CHLSN: variants seen among roughly 807,000 people sequenced by gnomAD.
The protein encoded by CHLSN is cholesin, also known as protein cholesin.
the CHLSN span, chr7:1,093,763 T>A: frequency 1.8e-5 from 8 of 445,204 alleles, no homozygotes; most frequent in South Asian, 8.2e-5. Context: ...GAAAAGCTGA[T>A]GAGGCTGGTG....
chr7:1,116,237 G>T, the CHLSN span, among the ~76,000 whole-genome samples: 1 of 141,090 alleles, frequency 7.1e-6, no homozygotes, highest in Admixed American at 7.1e-5. Flanking sequence ...GCCCACGCAG[G>T]ATGACTTCAC....
chr7:985,646 C>T, the CHLSN span, among the ~76,000 whole-genome samples: 12 of 152,304 alleles, frequency 7.9e-5, no homozygotes, highest in African/African-American at 2.6e-4. Flanking sequence ...TGTCTGCCCC[C>T]CAAGCCCTGA....
chr7:1,029,379 C>T, the CHLSN span, among the ~76,000 whole-genome samples: 1 of 152,190 alleles, frequency 6.6e-6, no homozygotes, highest in Admixed American at 6.5e-5. Flanking sequence ...CTTCCTGCCT[C>T]GGCCTCCCAA....
the CHLSN span, among the ~76,000 whole-genome samples, chr7:1,133,489 G>A: frequency 2.0e-5 from 3 of 151,096 alleles, no homozygotes; most frequent in Admixed American, 6.6e-5. Flanking sequence ...GGTGGCTCAC[G>A]CCTGTAATCC....
chr7:1,067,655 A>G, the CHLSN span, among the ~76,000 whole-genome samples: 1 of 46,398 alleles, frequency 2.2e-5, no homozygotes, highest in African/African-American at 1.1e-4. Context: ...TGGAGGCTGG[A>G]GTACATCCAG....
At chr7:1,120,472 T>C in the CHLSN span, among the ~76,000 whole-genome samples, 2 of 152,098 alleles carry the variant, frequency 1.3e-5, no homozygotes, top group Non-Finnish European at 2.9e-5. Context: ...TTGTATTTTT[T>C]ATACAGACAG....
At chr7:1,134,752 C>T in the CHLSN span, among the ~76,000 whole-genome samples, 1 of 151,144 alleles carries the variant, frequency 6.6e-6, no homozygotes, top group East Asian at 2.0e-4. Flanking sequence ...GCCTGTAGTC[C>T]CAGCTACTCA....
At chr7:1,080,506 G>A in the CHLSN span, among the ~76,000 whole-genome samples, 1 of 152,198 alleles carries the variant, frequency 6.6e-6, no homozygotes, top group Non-Finnish European at 1.5e-5. Flanking sequence ...GAGTGCAGCC[G>A]CACGGCCGCC....
At chr7:1,137,140 A>C in the CHLSN span, among the ~76,000 whole-genome samples, 1 of 151,928 alleles carries the variant, frequency 6.6e-6, no homozygotes. Context: ...CATCTCTGGG[A>C]ACTCACCTCC....
At chr7:997,674 A>C in the CHLSN span, 15 of 1,609,988 alleles carry the variant, frequency 9.3e-6, no homozygotes, top group Non-Finnish European at 1.2e-5. Flanking sequence ...CCTCCCCGGC[A>C]GGGGGGGATC....
the CHLSN span, among the ~76,000 whole-genome samples, chr7:1,053,565 C>T: frequency 2.0e-5 from 3 of 152,226 alleles, no homozygotes; most frequent in Non-Finnish European, 2.9e-5. Context: ...TGGTGGCTCA[C>T]GTCTGTAATC....
At chr7:1,090,966 A>G in the CHLSN span, among the ~76,000 whole-genome samples, 1 of 139,820 alleles carries the variant, frequency 7.2e-6, no homozygotes, top group African/African-American at 2.8e-5. Flanking sequence ...AGCTTTCTGG[A>G]CCCACTCTCT....
chr7:987,267 AG>A, the CHLSN span: 17 of 1,505,236 alleles, frequency 1.1e-5, no homozygotes, highest in African/African-American at 1.9e-4. Context: ...GCGCCTGGCG[AG>A]ACGGCTCCTT....
chr7:1,097,726 G>A, the CHLSN span, among the ~76,000 whole-genome samples: 3 of 152,146 alleles, frequency 2.0e-5, no homozygotes, highest in African/African-American at 4.8e-5. This position sits in a 1 kb window ranked among gnomAD's most constrained non-coding sequence, Gnocchi z 4.3. Context: ...CAGTGGAGAC[G>A]GGACAGCCCC....
the CHLSN span, among the ~76,000 whole-genome samples, chr7:1,012,377 C>T: frequency 1.3e-5 from 2 of 152,214 alleles, no homozygotes; most frequent in South Asian, 4.1e-4. Context: ...GGGTGGATGG[C>T]GAGGGGAACC....
At chr7:1,093,085 C>G in the CHLSN span, 1 of 684,166 alleles carries the variant, frequency 1.5e-6, no homozygotes, top group Non-Finnish European at 2.7e-6. Context: ...TCCCAAAGCG[C>G]TCGCCCCGCA....
At chr7:1,092,503 C>T in the CHLSN span, 11 of 1,607,764 alleles carry the variant, frequency 6.8e-6, no homozygotes, top group African/African-American at 6.7e-5. Flanking sequence ...GAAGGCGCTC[C>T]GCATGATCCT....
chr7:1,080,990 G>A, the CHLSN span: 1 of 152,656 alleles, frequency 6.6e-6, no homozygotes, highest in African/African-American at 2.4e-5. Flanking sequence ...GGGAAGAACA[G>A]GAAGGCCGGC....
chr7:997,428 G>C, the CHLSN span: 1 of 526,682 alleles, frequency 1.9e-6, no homozygotes, highest in Non-Finnish European at 3.3e-6. Context: ...ACCGGCCAAG[G>C]AGGGTCTGGA....
Sources: allele counts gnomAD v4.1 joint callset (sites outside exome capture counted in the v4.1 genomes callset), GRCh38; gene constraint gnomAD v4.1.1; non-coding constraint Gnocchi (gnomAD v3.1); transcripts MANE v1.5; gene names NCBI Gene and HGNC (gene_info 2026-07-23, HGNC 2026-07-21).